The following GUCY1A2 variants were observed in gnomAD, a reference collection of about 807,000 sequenced individuals.
GUCY1A2 encodes the protein guanylate cyclase 1 soluble subunit alpha 2.
GUCY1A2 carries 27 observed loss-of-function variants against 63.5 expected under a neutral mutation model. That is an observed-to-expected ratio of 0.43 (90% CI 0.31 to 0.59). The LOEUF (loss-of-function observed/expected upper bound fraction) is 0.59, where lower values mean the gene tolerates loss of function less well. Among genes scored for constraint, GUCY1A2 ranks in the 20% least tolerant of loss-of-function variants. GUCY1A2 has a pLI of 0.11. For synonymous variants in GUCY1A2, 364 were observed against 343.5 expected, an observed-to-expected ratio of 1.06 and a Z score of -0.66; for missense variants, 768 against 913.3, an observed-to-expected ratio of 0.84 and a Z score of 2.05.
At chr11:106,768,215 T>C (rs535304931) in intron 6 of GUCY1A2, among the ~76,000 whole-genome samples, 2 of 152,172 alleles carry the variant, frequency 1.3e-5, no homozygotes, top group African/African-American at 4.8e-5. Context: ...GTCTAACTCC[T>C]GGATTAAAGC....
rs1007026564 is a variant in GUCY1A2 at position 106,681,874 on chromosome 11, A to T, written c.*5675T>A. 4.7e-6 allele frequency: 1 copy of T among 214,782 alleles called. No individual in the cohort carries two copies. The highest frequency in any genetic ancestry group is 6.9e-5 in the East Asian group (1 of 14,442). 13.3% of individuals were successfully genotyped at this position (214,782 alleles called of 1,614,324 possible). A position where few individuals can be genotyped will look rare whatever the true frequency, so the allele number is the denominator to read the frequency against. On this transcript the variant is annotated 3_prime_UTR_variant, in exon 8 of 8. Transcript: ENST00000526355. The stretch of plus-strand genomic sequence containing the variant: ...TTCAGATAATGTACAATTCAATATG[A>T]AAAGTACATAGTGAGACTAAGTATT...
chr11:106,944,270 C>T (rs1214310852), intron 3 of GUCY1A2, among the ~76,000 whole-genome samples: 2 of 114,696 alleles, frequency 1.7e-5, no homozygotes, highest in Admixed American at 9.4e-5. Flanking sequence ...CATGCCTAAA[C>T]CCTGTCTTTA....
At chr11:106,711,269 G>A (rs992531455) in intron 6 of GUCY1A2, among the ~76,000 whole-genome samples, 2 of 152,094 alleles carry the variant, frequency 1.3e-5, no homozygotes, top group African/African-American at 4.8e-5. Context: ...AGAAAAAGAT[G>A]TCTTTTTTAT....
At chr11:106,840,902 C>G (rs1474943093) in intron 4 of GUCY1A2, among the ~76,000 whole-genome samples, 1 of 151,784 alleles carries the variant, frequency 6.6e-6, no homozygotes, top group Non-Finnish European at 1.5e-5. Flanking sequence ...CTCAGAAAAA[C>G]TTTAGAAATA....
chr11:106,973,292 G>A (rs190116215), intron 3 of GUCY1A2, among the ~76,000 whole-genome samples: 1 of 152,242 alleles, frequency 6.6e-6, no homozygotes, highest in Admixed American at 6.5e-5. Context: ...AGATCAGCTT[G>A]AAATATGAGC....
intron 5 of GUCY1A2, among the ~76,000 whole-genome samples, chr11:106,803,432 C>A (rs537534137): frequency 5.3e-5 from 8 of 152,186 alleles, no homozygotes; most frequent in African/African-American, 1.9e-4. Flanking sequence ...ATTCTAATAA[C>A]CTAAAAGAAT....
intron 5 of GUCY1A2, among the ~76,000 whole-genome samples, chr11:106,798,499 A>T (rs1232022203): frequency 1.3e-5 from 2 of 152,104 alleles, no homozygotes; most frequent in African/African-American, 4.8e-5. Flanking sequence ...GATGAACATC[A>T]ATGCAAAAAT....
At chr11:107,008,575 T>C (rs1861703446) in intron 1 of GUCY1A2, among the ~76,000 whole-genome samples, 2 of 152,342 alleles carry the variant, frequency 1.3e-5, no homozygotes, top group South Asian at 4.1e-4. Context: ...ATTTATTCAT[T>C]CTTTTAACAA....
intron 4 of GUCY1A2, chr11:106,827,250 A>C (rs1271316056): frequency 6.5e-6 from 10 of 1,548,662 alleles, no homozygotes; most frequent in African/African-American, 1.4e-5. Context: ...TCCTTCCTTC[A>C]GTTGTATATC....
At chr11:106,902,749 C>G (rs1015834171) in intron 4 of GUCY1A2, among the ~76,000 whole-genome samples, 6 of 152,178 alleles carry the variant, frequency 3.9e-5, no homozygotes, top group Non-Finnish European at 8.8e-5. Context: ...CATGTACAGA[C>G]TATTTCCTTG....
At chr11:106,944,491 G>C (rs896247898) in intron 3 of GUCY1A2, among the ~76,000 whole-genome samples, 3 of 151,880 alleles carry the variant, frequency 2.0e-5, no homozygotes, top group African/African-American at 7.3e-5. Flanking sequence ...GCATTCACTG[G>C]GGAGCCATCT....
chr11:106,999,528 C>A (rs1444730760), intron 1 of GUCY1A2, among the ~76,000 whole-genome samples: 1 of 152,150 alleles, frequency 6.6e-6, no homozygotes, highest in African/African-American at 2.4e-5. Context: ...TTTATAATCA[C>A]ACAAAGTAGC....
chr11:107,001,668 T>C (rs1444473891), intron 1 of GUCY1A2, among the ~76,000 whole-genome samples: 1 of 151,370 alleles, frequency 6.6e-6, no homozygotes, highest in Non-Finnish European at 1.5e-5. Flanking sequence ...CTTACAACAT[T>C]TGTGTGGTAT....
At chr11:106,967,153 T>C (rs1030327957) in intron 3 of GUCY1A2, among the ~76,000 whole-genome samples, 2 of 152,162 alleles carry the variant, frequency 1.3e-5, no homozygotes, top group Non-Finnish European at 2.9e-5. Context: ...TCAGGATCAT[T>C]TGTCACTGTT....
intron 3 of GUCY1A2, among the ~76,000 whole-genome samples, chr11:106,958,635 G>A (rs1337507626): frequency 2.9e-5 from 4 of 137,346 alleles, no homozygotes; most frequent in Non-Finnish European, 6.4e-5. Flanking sequence ...GGTACACTAG[G>A]AAACACACAC....
intron 1 of GUCY1A2, among the ~76,000 whole-genome samples, chr11:107,000,605 A>G (rs767049765): frequency 8.5e-5 from 13 of 152,210 alleles, no homozygotes; most frequent in Non-Finnish European, 1.3e-4. Context: ...TGACAGGGTC[A>G]TCTCTCTCCC....
At chr11:106,908,853 T>C (rs1472499737) in intron 4 of GUCY1A2, among the ~76,000 whole-genome samples, 2 of 151,894 alleles carry the variant, frequency 1.3e-5, no homozygotes, top group African/African-American at 2.4e-5. Context: ...TAGGCTGGGG[T>C]CTGAGCTACC....
intron 5 of GUCY1A2, among the ~76,000 whole-genome samples, chr11:106,805,682 T>C (rs1459933166): frequency 6.6e-6 from 1 of 152,200 alleles, no homozygotes; most frequent in African/African-American, 2.4e-5. Flanking sequence ...CCTCTTTTGG[T>C]ATGCCACTTT....
chr11:106,774,004 C>A (rs1864305984), intron 6 of GUCY1A2, among the ~76,000 whole-genome samples: 6 of 152,070 alleles, frequency 3.9e-5, no homozygotes, highest in Admixed American at 3.9e-4. Flanking sequence ...ACCTCCCACA[C>A]CAAAAATTGA....
Sources: allele counts gnomAD v4.1 joint callset (sites outside exome capture counted in the v4.1 genomes callset), GRCh38; gene constraint gnomAD v4.1.1; transcripts MANE v1.5; gene names NCBI Gene and HGNC (gene_info 2026-07-23, HGNC 2026-07-21).